PHF24: variants seen among roughly 807,000 people sequenced by gnomAD.
The protein encoded by PHF24 is PHD finger protein 24.
In PHF24, 25 loss-of-function variants were observed where a neutral mutation model predicts 42.6. The observed-to-expected ratio is 0.59, with a 90% confidence interval of 0.43 to 0.82. The LOEUF is 0.82. PHF24 is among the 40% of genes least tolerant of loss of function. The probability of loss-of-function intolerance (pLI) is 0.00; values close to 1 mark genes in which losing one functional copy is unlikely to be tolerated. For synonymous variants in PHF24, 185 were observed against 204.8 expected (o/e 0.90, Z 0.83); for missense variants, 470 against 538.1 (o/e 0.87, Z 1.25).
At chr9:34,701,476 G>A in the PHF24 span, among the ~76,000 whole-genome samples, 3 of 152,130 alleles carry the variant, frequency 2.0e-5, no homozygotes, top group Admixed American at 2.0e-4. The surrounding 1 kb of genome is among the most constrained non-coding windows in gnomAD (Gnocchi z 5.8). Flanking sequence ...TGGGAAGGGA[G>A]GCTCTGGAGT....
the PHF24 span, among the ~76,000 whole-genome samples, chr9:34,706,261 T>TA: frequency 6.6e-6 from 1 of 152,214 alleles, no homozygotes; most frequent in South Asian, 2.1e-4. Context: ...GGTATGACTA[T>TA]ATTTAGAGGA....
chr9:34,970,883 T>G (rs1356595951), intron 1 of PHF24, among the ~76,000 whole-genome samples: 2 of 152,124 alleles, frequency 1.3e-5, no homozygotes, highest in Non-Finnish European at 2.9e-5. Context: ...CCTTGTAACA[T>G]CCCTGTGAAG....
the PHF24 span, among the ~76,000 whole-genome samples, chr9:34,727,561 C>T: frequency 6.6e-6 from 1 of 152,182 alleles, no homozygotes; most frequent in Admixed American, 6.5e-5. Context: ...GTCCCAAGTA[C>T]TGGCCTCACT....
chr9:34,820,795 T>C, the PHF24 span, among the ~76,000 whole-genome samples: 5 of 152,232 alleles, frequency 3.3e-5, no homozygotes, highest in East Asian at 5.8e-4. Flanking sequence ...TTTTAAGTTC[T>C]ATGAGAAATT....
intron 1 of PHF24, among the ~76,000 whole-genome samples, chr9:34,965,241 G>A (rs1826727012): frequency 6.6e-6 from 1 of 152,168 alleles, no homozygotes; most frequent in South Asian, 2.1e-4. Context: ...AGTGTCTTTT[G>A]TATACAGTTT....
chr9:34,768,172 A>G, the PHF24 span, among the ~76,000 whole-genome samples: 1 of 152,244 alleles, frequency 6.6e-6, no homozygotes, highest in African/African-American at 2.4e-5. Flanking sequence ...AGACAAAATT[A>G]GACTCTGCAC....
the PHF24 span, chr9:34,726,841 C>A: frequency 6.4e-7 from 1 of 1,551,684 alleles, no homozygotes; most frequent in Non-Finnish European, 8.7e-7. Flanking sequence ...AGGAGCCCTG[C>A]AATGGCCCCG....
the PHF24 span, among the ~76,000 whole-genome samples, chr9:34,822,682 TGTG>T: frequency 6.6e-6 from 1 of 152,184 alleles, no homozygotes; most frequent in African/African-American, 2.4e-5. Context: ...CAGAATCACT[TGTG>T]GACCTTGTTT....
chr9:34,902,873 G>C, the PHF24 span, among the ~76,000 whole-genome samples: 1 of 152,150 alleles, frequency 6.6e-6, no homozygotes, highest in Non-Finnish European at 1.5e-5. Context: ...ATTATGAAAA[G>C]TCCTCATATA....
At chr9:34,724,952 C>T in the PHF24 span, 64 of 1,551,612 alleles carry the variant, frequency 4.1e-5, no homozygotes, top group African/African-American at 1.4e-4. Flanking sequence ...AGACAAGACT[C>T]GGAGCAGCTT....
At chr9:34,891,380 C>G in the PHF24 span, among the ~76,000 whole-genome samples, 1 of 152,126 alleles carries the variant, frequency 6.6e-6, no homozygotes, top group South Asian at 2.1e-4. Flanking sequence ...GCAGATCTTC[C>G]CATATTTGTA....
the PHF24 span, chr9:34,889,150 G>A: frequency 7.5e-6 from 3 of 398,554 alleles, no homozygotes; most frequent in Non-Finnish European, 1.3e-5. Flanking sequence ...CCTTTTTCAG[G>A]GGATTGCAGA....
At chr9:34,833,827 C>A in the PHF24 span, 11 of 1,551,552 alleles carry the variant, frequency 7.1e-6, no homozygotes, top group Middle Eastern at 1.7e-4. Context: ...CCATCTAAAT[C>A]AGAGGCTCTG....
the PHF24 span, among the ~76,000 whole-genome samples, chr9:34,920,682 A>G: frequency 2.6e-5 from 4 of 152,108 alleles, no homozygotes; most frequent in Admixed American, 1.3e-4. Flanking sequence ...TCTTGCATCA[A>G]TGTCAAATAG....
the PHF24 span, among the ~76,000 whole-genome samples, chr9:34,800,148 G>T: frequency 0.32 from 48,348 of 151,832 alleles, 8,263 homozygotes; most frequent in East Asian, 0.56. Flanking sequence ...TTAAAAAAAA[G>T]AAATTTCAAC....
At chr9:34,914,633 T>C in the PHF24 span, among the ~76,000 whole-genome samples, 1 of 152,206 alleles carries the variant, frequency 6.6e-6, no homozygotes, top group African/African-American at 2.4e-5. Flanking sequence ...GTTCTGCTTC[T>C]TACACAACTT....
At chr9:34,799,845 C>A in the PHF24 span, among the ~76,000 whole-genome samples, 1 of 151,872 alleles carries the variant, frequency 6.6e-6, no homozygotes, top group Non-Finnish European at 1.5e-5. Flanking sequence ...TGAAGAAGTA[C>A]CACAGATTTT....
chr9:34,914,479 G>A, the PHF24 span, among the ~76,000 whole-genome samples: 238 of 151,438 alleles, frequency 1.6e-3, no homozygotes, highest in African/African-American at 5.5e-3. Context: ...TTTGATTTTC[G>A]TCCTTTGGTC....
At chr9:34,706,725 A>T in the PHF24 span, among the ~76,000 whole-genome samples, 4 of 152,120 alleles carry the variant, frequency 2.6e-5, no homozygotes, top group Admixed American at 2.6e-4. Context: ...TTTTCTGCCT[A>T]TGTTTTTCTT....
Sources: gnomAD v4.1 joint callset for allele counts (sites outside exome capture counted in the v4.1 genomes callset) on GRCh38, gnomAD v4.1.1 for gene constraint, Gnocchi (gnomAD v3.1) non-coding constraint, MANE v1.5 for transcripts, NCBI Gene and HGNC (gene_info 2026-07-23, HGNC 2026-07-21) for gene names.